The following CAPN2 variants were observed in gnomAD, a reference collection of about 807,000 sequenced individuals.
CAPN2 encodes the protein calpain-2 catalytic subunit.
In CAPN2, 92 loss-of-function variants were observed where a neutral mutation model predicts 102.3. The ratio of observed to expected loss-of-function variants is 0.90; its 90% CI spans 0.76 to 1.07. CAPN2 has a LOEUF of 1.07. Among genes scored for constraint, CAPN2 ranks in the 50% least tolerant of loss-of-function variants. CAPN2 has a pLI of 0.00. For synonymous variants in CAPN2, 340 were observed against 355.4 expected (o/e 0.96, Z 0.49); for missense variants, 800 against 909.4 (o/e 0.88, Z 1.55).
chr1:223,724,223 C>T (rs556513108), intron 2 of CAPN2, among the ~76,000 whole-genome samples: 3 of 152,322 alleles, frequency 2.0e-5, no homozygotes, highest in Non-Finnish European at 4.4e-5. Context: ...TTGTTCAGCA[C>T]CAGTCCCCAA....
In CAPN2 at chr1:223,756,115, C is replaced by T. The variant is rs1153958; in HGVS notation, c.1305+466C>T. 2.6e-5 allele frequency among the ~76,000 whole-genome samples: 4 copies of T among 152,124 alleles called. No individual in the cohort carries two copies. The highest frequency in any genetic ancestry group is 2.0e-4 in the Admixed American group (3 of 15,278). On this transcript the variant is annotated intron_variant, in intron 10 of 20. Transcript: ENST00000295006. The surrounding 1 kb of genome is among the most constrained non-coding windows in gnomAD (Gnocchi z 4.1). The stretch of plus-strand genomic sequence containing the variant: ...GGGAACATTGGTCATGATGCTCCCC[C>T]CAGGGCTCTGATGGCTGGAGCCCAG...
rs760856540 is a variant in CAPN2 at position 223,764,240 on chromosome 1, G to C, written c.1690+33G>C. On this transcript the variant is annotated intron_variant, in intron 15 of 20. Coordinates refer to ENST00000295006, the MANE Select transcript of CAPN2 (RefSeq NM_001748.5). The stretch of plus-strand genomic sequence containing the variant: ...TCCCCTCATTGCAAAACCTCATCCT[G>C]CTCTTTCCCCTGTGGATGGGAGGGA... 2.5e-6 allele frequency: 4 copies of C among 1,582,746 alleles called. No homozygotes were observed. In the African/African-American group the frequency reaches 5.4e-5, roughly 21 times the overall value.
intron 3 of CAPN2, among the ~76,000 whole-genome samples, 171 bp downstream of exon 3, chr1:223,744,389 A>T (rs1165989049): frequency 1.3e-5 from 2 of 152,146 alleles, no homozygotes; most frequent in Non-Finnish European, 2.9e-5. Context: ...ACCCGTGGCC[A>T]GGATGTGAGA....
Position 223,750,880 on chromosome 1 carries a change from A to C in CAPN2, c.814-10A>C. 6.4e-7 allele frequency: 1 copy of C among 1,551,172 alleles called. No homozygotes were observed. The highest frequency in any genetic ancestry group is 8.7e-7 in the Non-Finnish European group (1 of 1,146,506). On this transcript the variant is annotated splice_polypyrimidine_tract_variant and intron_variant, in intron 6 of 20. Coordinates refer to ENST00000295006, the MANE Select transcript of CAPN2 (RefSeq NM_001748.5). ...AACCTCTTACTCCTCCCTTTTATCT[A>C]ATCCTGCAGGTTGAAAGTAACGGAA...
intron 2 of CAPN2, among the ~76,000 whole-genome samples, chr1:223,739,076 C>T (rs894972332): frequency 6.6e-6 from 1 of 152,102 alleles, no homozygotes; most frequent in Non-Finnish European, 1.5e-5. Flanking sequence ...AGCTCCAGCT[C>T]ACCACGATCC....
intron 11 of CAPN2, 76 bp downstream of exon 11, chr1:223,757,456 C>T (rs1300490081): frequency 8.5e-6 from 13 of 1,528,522 alleles, no homozygotes; most frequent in African/African-American, 6.8e-5. Flanking sequence ...GCTCAGGGAG[C>T]GTCGTGAAGC....
chr1:223,747,649 A>T (rs1571804180), intron 5 of CAPN2, among the ~76,000 whole-genome samples: 1 of 152,326 alleles, frequency 6.6e-6, no homozygotes, highest in South Asian at 2.1e-4. Flanking sequence ...ATATGAGTTC[A>T]GTTCATAATA....
At chr1:223,761,640 C>T in intron 13 of CAPN2, 23 bp downstream of exon 13, 2 of 1,600,800 alleles carry the variant, frequency 1.2e-6, no homozygotes, top group Non-Finnish European at 1.7e-6. Flanking sequence ...CTTTGAATTT[C>T]ACCCACTCTG....
chr1:223,739,862 G>A (rs1052947928), intron 2 of CAPN2, among the ~76,000 whole-genome samples: 1 of 152,206 alleles, frequency 6.6e-6, no homozygotes, highest in Non-Finnish European at 1.5e-5. Flanking sequence ...GTTATTTGTA[G>A]CATCTGAGTT....
chr1:223,715,060 CTG>C (rs376752668), intron 1 of CAPN2, among the ~76,000 whole-genome samples: 1 of 152,332 alleles, frequency 6.6e-6, no homozygotes, highest in Non-Finnish European at 1.5e-5. Context: ...AGATCCAGGA[CTG>C]TGTGTAGTCT....
At chr1:223,712,236 C>G (rs992204448), upstream of CAPN2, 2 of 155,882 alleles carry the variant, frequency 1.3e-5, no homozygotes, top group African/African-American at 4.8e-5. Flanking sequence ...GGGTGTTTTC[C>G]GGACGGCCAC....
chr1:223,741,425 A>ATG (rs1660608369), intron 2 of CAPN2, among the ~76,000 whole-genome samples: 1 of 81,378 alleles, frequency 1.2e-5, no homozygotes, highest in African/African-American at 1.1e-4. Context: ...TAAAATGTAT[A>ATG]TATATATATA....
intron 2 of CAPN2, among the ~76,000 whole-genome samples, chr1:223,742,336 G>A (rs921656674): frequency 6.6e-6 from 1 of 151,896 alleles, no homozygotes; most frequent in Non-Finnish European, 1.5e-5. Flanking sequence ...AGGTTGCAGT[G>A]AGCCAAGATG....
chr1:223,723,152 C>G (rs1660099645), intron 2 of CAPN2, among the ~76,000 whole-genome samples: 1 of 152,054 alleles, frequency 6.6e-6, no homozygotes, highest in Non-Finnish European at 1.5e-5. Flanking sequence ...AAAACTCTGT[C>G]TCTACAAAAA....
At chr1:223,746,811 G>A (rs1191683709) in intron 4 of CAPN2, among the ~76,000 whole-genome samples, 186 bp from the exon 5 acceptor site, 1 of 152,102 alleles carries the variant, frequency 6.6e-6, no homozygotes, top group African/African-American at 2.4e-5. Context: ...AAATACCAGG[G>A]AAATGGTAAC....
chr1:223,744,208 T>A lies in CAPN2; in HGVS notation c.416T>A (p.Phe139Tyr). Residue 139 changes from phenylalanine (F) to tyrosine (Y), a missense_variant, in exon 3 of 21, where the codon TTT (phenylalanine) becomes TAT (tyrosine). Coordinates refer to ENST00000295006, the MANE Select transcript of CAPN2 (RefSeq NM_001748.5). Reference sequence around the variant, plus strand: ...TTCCAGGAAAACTATGCAGGGATCTTTCACTTCCAGGTAACTTAATGGTTG... The same window carrying A: ...TTCCAGGAAAACTATGCAGGGATCTATCACTTCCAGGTAACTTAATGGTTG... Reference protein sequence around the residue: ...QSFQENYAGIFHFQFWQYGEW... With the variant: ...QSFQENYAGIYHFQFWQYGEW... The A allele has an allele frequency of 6.2e-7, 1 of 1,608,568 alleles. No homozygotes were observed. The highest frequency in any genetic ancestry group is 8.5e-7 in the Non-Finnish European group (1 of 1,174,934).
intron 15 of CAPN2, 42 bp downstream of exon 15, chr1:223,764,249 CCT>C (rs1271080793): frequency 1.3e-6 from 2 of 1,535,834 alleles, no homozygotes; most frequent in Admixed American, 3.3e-5. Flanking sequence ...TGCTCTTTCC[CCT>C]GTGGATGGGA....
At position 223,731,140 on chromosome 1, in the gene CAPN2, G is replaced by A. The variant is rs1419634009; in HGVS notation, c.308-12960G>A. Reference sequence around the variant, plus strand: ...ACCCCAAAGGATGATTAAGGAGGGAGAGTTGGAAGGAAGGTTTCCCACAAA... The same window carrying A: ...ACCCCAAAGGATGATTAAGGAGGGAAAGTTGGAAGGAAGGTTTCCCACAAA... On this transcript the variant is annotated intron_variant, in intron 2 of 20. Coordinates refer to ENST00000295006, the MANE Select transcript of CAPN2 (RefSeq NM_001748.5). The surrounding 1 kb of genome is among the most constrained non-coding windows in gnomAD (Gnocchi z 4.2). Among the ~76,000 whole-genome samples, 2 of 152,176 alleles carry A rather than the reference G, an allele frequency of 1.3e-5. No homozygotes were observed. Among genetic ancestry groups the A allele is most frequent in the Non-Finnish European group, 2.9e-5 (2 of 68,032 alleles).
At position 223,754,666 on chromosome 1, in the gene CAPN2, A is replaced by AT. The variant is rs1261421166; in HGVS notation, c.1136-808dup. ...CCCCTTAAACATGAATGAATCTTAG[A>AT]TTTTTTAAATAAATAGGTTTTGGAA... On this transcript the variant is annotated intron_variant, in intron 9 of 20. Transcript: ENST00000295006. This position sits in a 1 kb window ranked among gnomAD's most constrained non-coding sequence, Gnocchi z 4.7. 1.3e-5 allele frequency among the ~76,000 whole-genome samples: 2 copies of AT among 152,202 alleles called. No individual in the cohort carries two copies. Among genetic ancestry groups the AT allele is most frequent in the African/African-American group, 2.4e-5 (1 of 41,458 alleles).
Sources: gnomAD v4.1 joint callset for allele counts (sites outside exome capture counted in the v4.1 genomes callset) on GRCh38, gnomAD v4.1.1 for gene constraint, Gnocchi (gnomAD v3.1) non-coding constraint, MANE v1.5 for transcripts, NCBI Gene and HGNC (gene_info 2026-07-23, HGNC 2026-07-21) for gene names.